C2CD3: variants seen among roughly 807,000 people sequenced by gnomAD.
The protein encoded by C2CD3 is C2 domain-containing protein 3.
A neutral mutation model predicts 234.0 loss-of-function variants in C2CD3; 148 were observed. The ratio of observed to expected loss-of-function variants is 0.63; its 90% CI spans 0.55 to 0.72. The LOEUF is 0.72. Among genes scored for constraint, C2CD3 ranks in the 30% least tolerant of loss-of-function variants. C2CD3 has a pLI of 0.00. For missense variants in C2CD3, 2,577 were observed against 2,811.5 expected (o/e 0.92, Z 1.89); for synonymous variants, 1,000 against 1,035.4 (o/e 0.97, Z 0.66).
intron 3 of C2CD3, among the ~76,000 whole-genome samples, chr11:74,141,822 C>A (rs1233484391): frequency 2.6e-5 from 4 of 151,718 alleles, no homozygotes; most frequent in Admixed American, 6.6e-5. Context: ...TAGTGAGAAC[C>A]TGTCACTACA....
chr11:74,029,350 G>A (rs1419271750), intron 31 of C2CD3, among the ~76,000 whole-genome samples: 2 of 152,216 alleles, frequency 1.3e-5, no homozygotes, highest in Non-Finnish European at 2.9e-5. Context: ...CTTCAAGAAG[G>A]CAGAGATGAT....
At chr11:74,165,832 T>A (rs1384166412) in intron 2 of C2CD3, among the ~76,000 whole-genome samples, 2 of 151,948 alleles carry the variant, frequency 1.3e-5, no homozygotes, top group Admixed American at 6.5e-5. Context: ...TTAAAAAAAT[T>A]TTTTTTTGTA....
intron 8 of C2CD3, among the ~76,000 whole-genome samples, chr11:74,121,738 G>A (rs2135522548): frequency 6.6e-6 from 1 of 151,466 alleles, no homozygotes; most frequent in South Asian, 2.1e-4. Flanking sequence ...TGACAGATAA[G>A]ATGTGAAGTC....
chr11:74,017,049 G>A (rs955289818), intron 32 of C2CD3, among the ~76,000 whole-genome samples: 23 of 152,166 alleles, frequency 1.5e-4, no homozygotes, highest in Non-Finnish European at 5.9e-5. Flanking sequence ...CAGGTTTTGT[G>A]AGGAAGGAAT....
chr11:74,115,259 C>G (rs1956886128), intron 9 of C2CD3, among the ~76,000 whole-genome samples: 1 of 151,634 alleles, frequency 6.6e-6, no homozygotes. Context: ...CTTATACACA[C>G]ACAACATATA....
At position 74,098,129 on chromosome 11, in the gene C2CD3, C is replaced by A; in HGVS notation, c.2859G>T (p.Met953Ile). ...GTGCCATTATTTGATTTGAAGAACC[C>A]ATAGCTAAAAAGACTCGAAGACTCC... is the stretch of plus-strand genomic sequence containing the variant. ...QNGSLRVFLA[M>I]GSSNQIMALQ... The change falls in exon 16 of 33, where the codon ATG (methionine) becomes ATT (isoleucine). Residue 953 changes from methionine to isoleucine, a missense_variant. Transcript: ENST00000334126. 1 of 1,614,016 alleles carries A rather than the reference C, an allele frequency of 6.2e-7. No individual in the cohort carries two copies. Among genetic ancestry groups the A allele is most frequent in the Non-Finnish European group, 8.5e-7 (1 of 1,179,976 alleles).
At chr11:74,144,522 T>C (rs1855033331) in intron 3 of C2CD3, among the ~76,000 whole-genome samples, 1 of 151,950 alleles carries the variant, frequency 6.6e-6, no homozygotes, top group Non-Finnish European at 1.5e-5. Context: ...GACGTGGGGG[T>C]CTGGTGTACA....
At chr11:74,133,771 T>C (rs1346954918) in intron 5 of C2CD3, 8 of 555,966 alleles carry the variant, frequency 1.4e-5, no homozygotes, top group East Asian at 2.9e-5. Context: ...GATGCTGGCA[T>C]TGTAACAATG....
intron 20 of C2CD3, among the ~76,000 whole-genome samples, chr11:74,086,334 T>C (rs1490397612): frequency 6.6e-6 from 1 of 152,268 alleles, no homozygotes; most frequent in Admixed American, 6.5e-5. Context: ...GGCTTTGCTC[T>C]GGATTGATTT....
intron 2 of C2CD3, among the ~76,000 whole-genome samples, chr11:74,161,813 CTTTTTTTTTT>C (rs927069098): frequency 7.6e-6 from 1 of 131,894 alleles, no homozygotes; most frequent in Non-Finnish European, 1.6e-5. Context: ...TGAAGTTCTA[CTTTTTTTTTT>C]TTTTTTTTTT....
intron 3 of C2CD3, among the ~76,000 whole-genome samples, chr11:74,149,442 T>A (rs1323838295): frequency 6.6e-6 from 1 of 152,154 alleles, no homozygotes; most frequent in Non-Finnish European, 1.5e-5. Context: ...CTCAAGTGAT[T>A]CTACTGCCTC....
In C2CD3 at chr11:74,049,406, AG is replaced by A. The variant is rs1953562363; in HGVS notation, c.5291del (p.Pro1764LeufsTer5). 3 of 1,614,098 alleles carry A rather than the reference AG, an allele frequency of 1.9e-6. No homozygotes were observed. The East Asian group carries it at 6.7e-5, about 36-fold the overall frequency. Reference sequence around the variant, plus strand: ...CTTTGAAGTGTATCAAACTCTCCAAAGGGGAGACAGCAACTTTTATCTGCCC... The same window carrying A: ...CTTTGAAGTGTATCAAACTCTCCAAAGGGAGACAGCAACTTTTATCTGCCC... ...CQGQIKVAVS[P>X]LESLIHFKEE... On this transcript the variant is annotated frameshift_variant, in exon 27 of 33. Coordinates refer to ENST00000334126, the MANE Select transcript of C2CD3 (RefSeq NM_001286577.2). LOFTEE classifies it high-confidence loss of function.
In C2CD3 at chr11:74,114,610, C is replaced by T; in HGVS notation, c.1521-17G>A. On this transcript the variant is annotated splice_polypyrimidine_tract_variant and intron_variant, in intron 9 of 32. Transcript: ENST00000334126. ...ACCAAATTTCTGAAAGGAGTTCACA[C>T]AAGCAGTGAGGCATACTGCTACAGG... 3.2e-6 allele frequency: 5 copies of T among 1,554,076 alleles called. No individual in the cohort carries two copies. The highest frequency in any genetic ancestry group is 4.4e-6 in the Non-Finnish European group (5 of 1,125,206).
intron 22 of C2CD3, among the ~76,000 whole-genome samples, chr11:74,084,433 A>C (rs1342449553): frequency 2.5e-5 from 1 of 40,484 alleles, no homozygotes; most frequent in Non-Finnish European, 5.7e-5. Context: ...AAAGTATAAT[A>C]AAAAAAAAAA....
At chr11:74,048,113 T>A (rs1953475976) in intron 28 of C2CD3, 92 bp downstream of exon 28, 1 of 1,364,594 alleles carries the variant, frequency 7.3e-7, no homozygotes, top group Admixed American at 2.3e-5. Flanking sequence ...TCTTGTTTTT[T>A]CCTCTAATAA....
chr11:74,158,647 G>T (rs953239528), intron 3 of C2CD3, among the ~76,000 whole-genome samples: 1 of 151,884 alleles, frequency 6.6e-6, no homozygotes, highest in Non-Finnish European at 1.5e-5. Flanking sequence ...ACTTGAACCC[G>T]GGAGGCGGAG....
At chr11:74,166,630 A>G (rs1006451111) in intron 2 of C2CD3, among the ~76,000 whole-genome samples, 10 of 152,184 alleles carry the variant, frequency 6.6e-5, no homozygotes, top group African/African-American at 1.2e-4. Flanking sequence ...TGATATTACT[A>G]TATGTGTCAA....
rs548567656 is a variant in C2CD3, at chr11:74,113,679, CA to C, written c.1843+100del. On this transcript the variant is annotated intron_variant, in intron 11 of 32. Coordinates refer to ENST00000334126, the MANE Select transcript of C2CD3 (RefSeq NM_001286577.2). ...TGGGCGAAAGAGTGAGACTCCATGTCAAAAAAAAAAAAAAAAAAAAAGTCAA... is the reference window on the plus strand; with the variant it reads ...TGGGCGAAAGAGTGAGACTCCATGTCAAAAAAAAAAAAAAAAAAAAGTCAA... 0.19 allele frequency: 89,599 copies of C among 467,162 alleles called. 58 individuals carry two copies. Among genetic ancestry groups the C allele is most frequent in the East Asian group, 0.21 (5,336 of 25,486 alleles). The allele number at this position is 467,162 out of a possible 1,614,324, so 28.9% of individuals were successfully genotyped here. A position where few individuals can be genotyped will look rare whatever the true frequency, so the allele number is the denominator to read the frequency against.
chr11:74,026,226 G>A (rs1437688602), intron 32 of C2CD3, among the ~76,000 whole-genome samples: 1 of 151,958 alleles, frequency 6.6e-6, no homozygotes, highest in African/African-American at 2.4e-5. Context: ...AGGATCACTT[G>A]AACCCAGGAG....
Sources: allele counts gnomAD v4.1 joint callset (sites outside exome capture counted in the v4.1 genomes callset), GRCh38; gene constraint gnomAD v4.1.1; transcripts MANE v1.5; gene names NCBI Gene and HGNC (gene_info 2026-07-23, HGNC 2026-07-21).